The following STPG1 variants were observed in gnomAD, a reference collection of about 807,000 sequenced individuals.
The protein encoded by STPG1 is O(6)-methylguanine-induced apoptosis 2.
Under a neutral mutation model 40.1 loss-of-function variants are expected in STPG1, and 33 were observed. The observed-to-expected ratio is 0.82, with a 90% confidence interval of 0.62 to 1.10. STPG1 has a LOEUF of 1.10. Ranked by LOEUF, STPG1 falls within the 50% of genes least tolerant of loss-of-function variation. The pLI, the probability that STPG1 is intolerant of heterozygous loss-of-function variation, is 0.00. For missense variants in STPG1, 396 were observed against 415.1 expected (o/e 0.95, Z 0.40); for synonymous variants, 150 against 155.0 (o/e 0.97, Z 0.24).
At chr1:24,407,142 C>T (rs1470684696) in intron 1 of STPG1, among the ~76,000 whole-genome samples, 1 of 152,004 alleles carries the variant, frequency 6.6e-6, no homozygotes, top group Admixed American at 6.6e-5. Context: ...TTCTATGTGC[C>T]TCTCAGCAAT....
rs371730879 is a variant in STPG1 at position 24,395,557 on chromosome 1, C to T, written c.71-3878G>A. On this transcript the variant is annotated intron_variant, in intron 2 of 8. Transcript: ENST00000337248. ...ACGCCATTCTCCTGCCTCAGCCTCC[C>T]GAGTAGCTGGGACTACAGGCGCCCG... Among the ~76,000 whole-genome samples the T allele has an allele frequency of 1.5e-3, 220 of 151,462 alleles. 2 individuals carry two copies. The East Asian group carries it at 0.015, about 10-fold the overall frequency.
At position 24,360,798 on chromosome 1, in the gene STPG1, C is replaced by T. The variant is rs1641054080; in HGVS notation, c.928+53G>A. ...ATGGCATTTGATGACCCAAGAATGA[C>T]AAACAGTTCCAGAAGATTTGGTTTT... On this transcript the variant is annotated intron_variant, in intron 8 of 8. Coordinates refer to ENST00000337248, the MANE Select transcript of STPG1 (RefSeq NM_001199013.2). The T allele has an allele frequency of 2.5e-5, 38 of 1,497,376 alleles. No individual in the cohort carries two copies. In the South Asian group the frequency reaches 4.6e-4, roughly 18 times the overall value. 92.8% of individuals were successfully genotyped at this position (1,497,376 alleles called of 1,614,324 possible). A position where few individuals can be genotyped will look rare whatever the true frequency, so the allele number is the denominator to read the frequency against.
chr1:24,412,982 C>T (rs183130360), intron 1 of STPG1, among the ~76,000 whole-genome samples: 131 of 152,308 alleles, frequency 8.6e-4, no homozygotes, highest in African/African-American at 3.1e-3. Context: ...GGTATATAAA[C>T]ATGTACTAAA....
rs1439100704 is a variant in STPG1, at chr1:24,358,395, C to G, written c.*148G>C. The G allele has an allele frequency of 8.0e-6, 6 of 749,574 alleles. No individual in the cohort carries two copies. Among genetic ancestry groups the G allele is most frequent in the Admixed American group, 3.9e-5 (2 of 51,808 alleles). 46.4% of individuals were successfully genotyped at this position (749,574 alleles called of 1,614,324 possible). On this transcript the variant is annotated 3_prime_UTR_variant, in exon 9 of 9. Coordinates refer to ENST00000337248, the MANE Select transcript of STPG1 (RefSeq NM_001199013.2). The stretch of plus-strand genomic sequence containing the variant: ...CAAGACAAAGGCAATGGCAGCAGTC[C>G]GGCTAGGATGCCAGGCCAGAGTGGT...
intron 1 of STPG1, chr1:24,411,849 G>A (rs1643680515): frequency 2.0e-5 from 3 of 152,234 alleles, no homozygotes; most frequent in African/African-American, 7.2e-5. Flanking sequence ...TTCACAGAAT[G>A]CTAGGTTTCA....
At chr1:24,377,879 C>T (rs1192849435) in intron 5 of STPG1, among the ~76,000 whole-genome samples, 2 of 152,206 alleles carry the variant, frequency 1.3e-5, no homozygotes, top group East Asian at 1.9e-4. Context: ...GTCCCTTCAC[C>T]TCTCTGAGCC....
chr1:24,370,071 G>A (rs1641664342), intron 6 of STPG1, among the ~76,000 whole-genome samples: 4 of 152,138 alleles, frequency 2.6e-5, no homozygotes, highest in South Asian at 2.1e-4. Context: ...GGCAAGATGA[G>A]TATTACTGCT....
intron 7 of STPG1, among the ~76,000 whole-genome samples, chr1:24,362,974 G>A (rs1011988782): frequency 2.4e-4 from 37 of 152,260 alleles, no homozygotes; most frequent in African/African-American, 8.7e-4. Context: ...CTGGCTTGTG[G>A]CTCCCCCTTC....
At chr1:24,370,374 G>C (rs1641680447) in intron 6 of STPG1, among the ~76,000 whole-genome samples, 1 of 148,516 alleles carries the variant, frequency 6.7e-6, no homozygotes, top group Non-Finnish European at 1.5e-5. Flanking sequence ...GGAATGCAGT[G>C]GCACAATCAC....
chr1:24,385,638 G>A (rs1487291155), intron 3 of STPG1, among the ~76,000 whole-genome samples: 1 of 152,142 alleles, frequency 6.6e-6, no homozygotes, highest in Non-Finnish European at 1.5e-5. Context: ...AAAGAGATAA[G>A]GCCCACATAA....
chr1:24,398,806 A>G (rs1248409501), intron 2 of STPG1, among the ~76,000 whole-genome samples: 1 of 152,166 alleles, frequency 6.6e-6, no homozygotes, highest in Admixed American at 6.5e-5. Context: ...TTCTACATAG[A>G]AAACTCCAAA....
At position 24,394,016 on chromosome 1, in the gene STPG1, T is replaced by C. The variant is rs556436849; in HGVS notation, c.71-2337A>G. ...AGCAGAGTACCAGAGAAGAGAGAGC[T>C]ACCCAGATGGAGAGCTATGGAGCTC... On this transcript the variant is annotated intron_variant, in intron 2 of 8. Transcript: ENST00000337248. Among the ~76,000 whole-genome samples, 86 of 152,218 alleles carry C rather than the reference T, an allele frequency of 5.6e-4. 1 individual carries two copies. The highest frequency in any genetic ancestry group is 6.8e-3 in the Middle Eastern group (2 of 294).
chr1:24,383,389 T>C (rs1209342292), intron 4 of STPG1, among the ~76,000 whole-genome samples: 14 of 152,240 alleles, frequency 9.2e-5, no homozygotes, highest in Admixed American at 9.2e-4. Flanking sequence ...GCAATTCATA[T>C]AGCTACTTGA....
chr1:24,360,977 C>G lies in STPG1; in HGVS notation c.802G>C (p.Gly268Arg). 1.2e-6 allele frequency: 2 copies of G among 1,613,810 alleles called. No individual in the cohort carries two copies. Among genetic ancestry groups the G allele is most frequent in the Non-Finnish European group, 1.7e-6 (2 of 1,179,874 alleles). ...TCCACGATCTCATACTGACCAGGAC[C>G]TGGGAAAGGTGGCTTCGGAGGCAGA... The part of the protein sequence containing the change: ...SPLPPKPPFP[G>R]PGQYEIVDYL... Residue 268 changes from glycine to arginine, a missense_variant, in exon 8 of 9, where the codon GGT becomes CGT. Coordinates refer to ENST00000337248, the MANE Select transcript of STPG1 (RefSeq NM_001199013.2).
chr1:24,378,491 C>T (rs370787065), intron 5 of STPG1, among the ~76,000 whole-genome samples: 40 of 152,084 alleles, frequency 2.6e-4, no homozygotes, highest in Non-Finnish European at 5.3e-4. Context: ...AAAAATTAGC[C>T]GGGTGTGGTG....
chr1:24,375,466 C>T (rs970601422), intron 5 of STPG1, among the ~76,000 whole-genome samples: 2 of 152,092 alleles, frequency 1.3e-5, no homozygotes, highest in African/African-American at 4.8e-5. Context: ...TTTCCCAGGG[C>T]CCTAATGGCT....
intron 1 of STPG1, among the ~76,000 whole-genome samples, chr1:24,412,844 T>C (rs1179462740): frequency 6.6e-6 from 1 of 152,250 alleles, no homozygotes; most frequent in Non-Finnish European, 1.5e-5. Context: ...CAGCGGGAGT[T>C]AGATTCTACA....
intron 2 of STPG1, chr1:24,401,043 G>A (rs1013112834): frequency 1.1e-5 from 4 of 365,036 alleles, no homozygotes; most frequent in African/African-American, 6.2e-5. Context: ...TGAGGATAGA[G>A]ATTCTTACCA....
At chr1:24,408,820 G>T (rs1643506974) in intron 1 of STPG1, among the ~76,000 whole-genome samples, 1 of 152,106 alleles carries the variant, frequency 6.6e-6, no homozygotes, top group Non-Finnish European at 1.5e-5. Context: ...AATGAGTAAA[G>T]GATTGAATAA....
Sources: gnomAD v4.1 joint callset for allele counts (sites outside exome capture counted in the v4.1 genomes callset) on GRCh38, gnomAD v4.1.1 for gene constraint, MANE v1.5 for transcripts, NCBI Gene and HGNC (gene_info 2026-07-23, HGNC 2026-07-21) for gene names.